Variants in CDC16 observed in about 807,000 individuals in gnomAD.
CDC16 encodes cell division cycle protein 16 homolog.
A neutral mutation model predicts 87.0 loss-of-function variants in CDC16; 34 were observed. The ratio of observed to expected loss-of-function variants is 0.39; its 90% CI spans 0.30 to 0.52. The LOEUF (loss-of-function observed/expected upper bound fraction) is 0.52, where lower values mean the gene tolerates loss of function less well. CDC16 is among the 20% of genes least tolerant of loss of function. The pLI is 0.74. For missense variants in CDC16, 653 were observed against 751.9 expected (o/e 0.87, Z 1.54); for synonymous variants, 263 against 260.6 (o/e 1.01, Z -0.09).
At position 114,246,985 on chromosome 13, in the gene CDC16, C is replaced by G. The variant is rs780024271; in HGVS notation, c.952C>G (p.His318Asp). The G allele has an allele frequency of 3.1e-6, 5 of 1,611,364 alleles. No homozygotes were observed. The South Asian group carries it at 5.5e-5, about 18-fold the overall frequency. Residue 318 changes from histidine (H) to aspartate (D), a missense_variant, in exon 11 of 18, where the codon CAT (histidine) becomes GAT (aspartate). Transcript: ENST00000356221. ...TCTCATGGTCGGTCATAAAAATGAA[C>G]ATGCCAGAAGATATCTCAGGTATGA... is the stretch of plus-strand genomic sequence containing the variant. ...YYLMVGHKNEHARRYLSKATT... is the reference protein window; with the variant it reads ...YYLMVGHKNEDARRYLSKATT...
intron 6 of CDC16, 171 bp downstream of exon 6, chr13:114,242,451 C>T (rs1383117798): frequency 4.5e-5 from 28 of 625,392 alleles, no homozygotes; most frequent in Non-Finnish European, 6.3e-5. Context: ...CAGTATTGTA[C>T]GGTGCCTTGT....
chr13:114,252,263 C>CTTACACTAGCCCTGTTGGATAAGAGCT (rs2082236601), intron 12 of CDC16, among the ~76,000 whole-genome samples: 4 of 152,076 alleles, frequency 2.6e-5, no homozygotes, highest in African/African-American at 9.7e-5. Context: ...GGAAAGGAGC[C>CTTACACTAGCCCTGTTGGATAAGAGCT]TTACACTAGC....
At chr13:114,251,964 G>A (rs2082205857) in intron 12 of CDC16, among the ~76,000 whole-genome samples, 1 of 151,574 alleles carries the variant, frequency 6.6e-6, no homozygotes, top group Non-Finnish European at 1.5e-5. Context: ...TTGGATAAGA[G>A]CCCTACACTA....
intron 14 of CDC16, among the ~76,000 whole-genome samples, chr13:114,261,290 A>G (rs938064207): frequency 1.3e-5 from 2 of 152,144 alleles, no homozygotes; most frequent in African/African-American, 4.8e-5. Flanking sequence ...GGGAAAACAA[A>G]AGGGATTTAA....
chr13:114,238,850 C>A, intron 3 of CDC16, 140 bp from the exon 4 acceptor site: 1 of 1,121,482 alleles, frequency 8.9e-7, no homozygotes, highest in Non-Finnish European at 1.2e-6. Flanking sequence ...TATGGTTTAA[C>A]AGGACTGGAT....
In CDC16 at chr13:114,257,205, G is replaced by A. The variant is rs747813467; in HGVS notation, c.1225G>A (p.Gly409Ser). ...PEDPFVMHEV[G>S]VVAFQNGEWK... The stretch of plus-strand genomic sequence containing the variant: ...AGACCCTTTTGTTATGCATGAGGTC[G>A]GCGTGGTTGCATTTCAGAATGGAGA... Residue 409 changes from glycine (G) to serine (S), a missense_variant, in exon 13 of 18, where the codon GGC becomes AGC. Gly to Ser is a moderately conservative substitution (Grantham distance 56). Transcript: ENST00000356221. 5 of 1,611,080 alleles carry A rather than the reference G, an allele frequency of 3.1e-6. No individual in the cohort carries two copies. The highest frequency in any genetic ancestry group is 2.2e-5 in the East Asian group (1 of 44,810).
At chr13:114,263,139 A>G in intron 16 of CDC16, 125 bp downstream of exon 16, 1 of 794,632 alleles carries the variant, frequency 1.3e-6, no homozygotes, top group Non-Finnish European at 2.0e-6. Flanking sequence ...CTTACGTGTT[A>G]TTCTTTTCTT....
chr13:114,242,912 G>GC (rs2081626664), intron 6 of CDC16, among the ~76,000 whole-genome samples: 2 of 152,146 alleles, frequency 1.3e-5, no homozygotes, highest in African/African-American at 4.8e-5. Flanking sequence ...GTATCTAGTG[G>GC]TTAGTGGCCA....
At chr13:114,253,461 G>A (rs2082310101) in intron 12 of CDC16, among the ~76,000 whole-genome samples, 1 of 152,114 alleles carries the variant, frequency 6.6e-6, no homozygotes, top group African/African-American at 2.4e-5. Flanking sequence ...GGCCAGAGGG[G>A]TGTGGATCAC....
chr13:114,235,597 G>A (rs1185445587), intron 1 of CDC16, among the ~76,000 whole-genome samples: 1 of 152,236 alleles, frequency 6.6e-6, no homozygotes, highest in Admixed American at 6.5e-5. Context: ...AACTATGTCT[G>A]TGTTCTCTGC....
Position 114,244,914 on chromosome 13 carries a change from T to A in CDC16, c.792T>A (p.His264Gln). The A allele has an allele frequency of 6.2e-7, 1 of 1,611,518 alleles. No individual in the cohort carries two copies. The highest frequency in any genetic ancestry group is 8.5e-7 in the Non-Finnish European group (1 of 1,178,338). The change falls in exon 9 of 18, where the codon CAT (histidine) becomes CAA (glutamine). Residue 264 changes from histidine (H) to glutamine (Q), a missense_variant. His to Gln is a conservative substitution (Grantham distance 24). Coordinates refer to ENST00000356221, the MANE Select transcript of CDC16 (RefSeq NM_001078645.3). ...TSVVMEKDPF[H>Q]ASCLPVHIGT... ...GAGTAATGGAGAAAGATCCTTTCCA[T>A]GCAAGTTGTTTACCTGTACATATAG...
chr13:114,265,417 A>G (rs1303777600), intron 17 of CDC16, among the ~76,000 whole-genome samples, 177 bp downstream of exon 17: 1 of 152,234 alleles, frequency 6.6e-6, no homozygotes, highest in Non-Finnish European at 1.5e-5. Context: ...TGGGGGAGTT[A>G]GTGACTCACC....
At chr13:114,235,616 T>A (rs376722824) in intron 1 of CDC16, among the ~76,000 whole-genome samples, 9 of 152,348 alleles carry the variant, frequency 5.9e-5, no homozygotes, top group African/African-American at 1.9e-4. Flanking sequence ...GCACTACCTT[T>A]GAATAGCAGA....
chr13:114,242,096 A>G (rs759191704), intron 5 of CDC16, 25 bp from the exon 6 acceptor site: 13 of 1,587,632 alleles, frequency 8.2e-6, no homozygotes, highest in African/African-American at 6.8e-5. Context: ...CTGACTTAAT[A>G]TGTGACTCAT....
intron 3 of CDC16, among the ~76,000 whole-genome samples, chr13:114,237,333 A>C (rs2138846158): frequency 6.6e-6 from 1 of 152,214 alleles, no homozygotes; most frequent in Non-Finnish European, 1.5e-5. Context: ...TCTCTGTGTC[A>C]CCCAGGAGTG....
chr13:114,250,019 T>C (rs2082079074), intron 11 of CDC16, among the ~76,000 whole-genome samples: 1 of 152,146 alleles, frequency 6.6e-6, no homozygotes, highest in South Asian at 2.1e-4. Flanking sequence ...TATATAAAAT[T>C]AACAATTCAA....
At chr13:114,255,576 C>G (rs2082444323) in intron 12 of CDC16, among the ~76,000 whole-genome samples, 1 of 151,704 alleles carries the variant, frequency 6.6e-6, no homozygotes, top group African/African-American at 2.4e-5. Context: ...AATAGGGATG[C>G]ATAAATTCCA....
rs141888276 is a variant in CDC16 at position 114,262,013 on chromosome 13, C to T, written c.1376+65C>T. On this transcript the variant is annotated intron_variant, in intron 15 of 17. Transcript: ENST00000356221. ...CTCAAAGTTTACTTAATTTTGAATA[C>T]TTTGTCATATTCTTATTTCATGAGA... 6.7e-4 allele frequency: 656 copies of T among 979,384 alleles called. No homozygotes were observed. The African/African-American group carries it at 9.4e-3, about 14-fold the overall frequency. 60.7% of individuals were successfully genotyped at this position (979,384 alleles called of 1,614,324 possible).
Position 114,272,243 on chromosome 13 carries a change from C to G in CDC16, c.1663C>G (p.Leu555Val), listed in dbSNP as rs1310555988. 6.2e-7 allele frequency: 1 copy of G among 1,610,328 alleles called. No individual in the cohort carries two copies. The highest frequency in any genetic ancestry group is 8.5e-7 in the Non-Finnish European group (1 of 1,177,032). ...CTTTGATGTGCATACAATGAAGACA[C>G]TAAAAAACATTATTTCACCTCCGTG... ...YDFDVHTMKTLKNIISPPWDF... is the reference protein window; with the variant it reads ...YDFDVHTMKTVKNIISPPWDF... Residue 555 changes from leucine (L) to valine (V), a missense_variant, in exon 18 of 18, where the codon CTA becomes GTA. Leu to Val is a conservative substitution (Grantham distance 32). Coordinates refer to ENST00000356221, the MANE Select transcript of CDC16 (RefSeq NM_001078645.3).
Sources: gnomAD v4.1 joint callset for allele counts (sites outside exome capture counted in the v4.1 genomes callset) on GRCh38, gnomAD v4.1.1 for gene constraint, MANE v1.5 for transcripts, NCBI Gene and HGNC (gene_info 2026-07-23, HGNC 2026-07-21) for gene names.